The following ZNF469 variants were observed in gnomAD, a reference collection of about 807,000 sequenced individuals.
The protein encoded by ZNF469 is zinc finger protein 469.
In ZNF469, 1 loss-of-function variant was observed where a neutral mutation model predicts 1.0. The ratio of observed to expected loss-of-function variants is 1.00; its 90% CI spans 0.35 to 4.73. ZNF469 has a LOEUF of 4.73. Among genes scored for constraint, ZNF469 ranks in the 30% most tolerant of loss-of-function variants. The probability of loss-of-function intolerance (pLI) is 0.16; values close to 1 mark genes in which losing one functional copy is unlikely to be tolerated. For synonymous variants in ZNF469, 2,703 were observed against 2,363.4 expected, an observed-to-expected ratio of 1.14 and a Z score of -4.17; for missense variants, 6,100 against 5,356.3, an observed-to-expected ratio of 1.14 and a Z score of -4.33.
At chr16:88,302,111 C>T in the ZNF469 span, among the ~76,000 whole-genome samples, 84 of 152,328 alleles carry the variant, frequency 5.5e-4, no homozygotes, top group Non-Finnish European at 9.3e-4. Context: ...CAGCTGGGCT[C>T]TCGGTCAGGA....
chr16:88,429,699 G>A lies in ZNF469; in HGVS notation c.2229G>A (p.Leu743=). ...AGTGTGACCGCAACTACAGCAGCCTGGCGGCCTTCCTGGCCCACCGGCAGT... is the reference window on the plus strand; with the variant it reads ...AGTGTGACCGCAACTACAGCAGCCTAGCGGCCTTCCTGGCCCACCGGCAGT... ...CRQCDRNYSS[L]AAFLAHRQFC... The change falls in exon 3 of 3, where the codon CTG becomes CTA. Residue 743 remains leucine, a synonymous_variant. Coordinates refer to ENST00000565624, the MANE Select transcript of ZNF469 (RefSeq NM_001367624.2). 4 of 1,542,906 alleles carry A rather than the reference G, an allele frequency of 2.6e-6. No individual in the cohort carries two copies. Among genetic ancestry groups the A allele is most frequent in the Non-Finnish European group, 3.5e-6 (4 of 1,142,232 alleles).
chr16:88,186,544 C>T, the ZNF469 span, among the ~76,000 whole-genome samples: 2 of 152,302 alleles, frequency 1.3e-5, no homozygotes, highest in South Asian at 4.2e-4. Flanking sequence ...GTTTTCCGAC[C>T]GCCTCTGCTC....
At chr16:88,209,292 CTTTTTTT>C in the ZNF469 span, among the ~76,000 whole-genome samples, 3 of 146,998 alleles carry the variant, frequency 2.0e-5, no homozygotes, top group Admixed American at 6.8e-5. Flanking sequence ...TTTCTTTTTT[CTTTTTTT>C]TTTTCTTTTG....
the ZNF469 span, among the ~76,000 whole-genome samples, chr16:88,328,462 C>G: frequency 6.6e-6 from 1 of 152,188 alleles, no homozygotes; most frequent in Non-Finnish European, 1.5e-5. Flanking sequence ...GGCCGCATGG[C>G]TACCGTCGAA....
chr16:88,437,315 C>T lies in ZNF469; in HGVS notation c.9845C>T (p.Pro3282Leu), dbSNP rs532698360. 8.4e-6 allele frequency: 13 copies of T among 1,547,438 alleles called. No homozygotes were observed. In the African/African-American group the frequency reaches 1.6e-4, roughly 20 times the overall value. ...CGGGCACGCAGCACCCCCAGCAACC[C>T]AGACGGGGCCGCGACCCCAGACAGC... ...KPRARSTPSN[P>L]DGAATPDSAS... Residue 3282 changes from proline (P) to leucine (L), a missense_variant, in exon 3 of 3, where the codon CCA becomes CTA. Pro to Leu is a moderately conservative substitution (Grantham distance 98). Transcript: ENST00000565624.
the ZNF469 span, among the ~76,000 whole-genome samples, chr16:88,264,743 T>G: frequency 6.6e-6 from 1 of 151,806 alleles, no homozygotes; most frequent in East Asian, 1.9e-4. Context: ...CCCCTCCCAG[T>G]CCAGTCCTGC....
chr16:88,404,955 C>G (rs890268270), intron 1 of ZNF469, among the ~76,000 whole-genome samples: 38 of 152,328 alleles, frequency 2.5e-4, no homozygotes, highest in African/African-American at 8.4e-4. Context: ...CATAACCAGG[C>G]TGTGCAGGGG....
chr16:88,169,468 G>A, the ZNF469 span, among the ~76,000 whole-genome samples: 9 of 152,124 alleles, frequency 5.9e-5, no homozygotes, highest in African/African-American at 1.2e-4. This position sits in a 1 kb window ranked among gnomAD's most constrained non-coding sequence, Gnocchi z 6.1. Context: ...GAACGTCATC[G>A]AGGTGGAGTT....
the ZNF469 span, among the ~76,000 whole-genome samples, chr16:88,282,598 G>A: frequency 2.0e-4 from 31 of 152,236 alleles, no homozygotes; most frequent in African/African-American, 5.8e-4. Flanking sequence ...GGGGGATGTC[G>A]CCAGACTCCT....
chr16:88,387,225 G>C (rs541783438), intron 1 of ZNF469, among the ~76,000 whole-genome samples: 20 of 152,356 alleles, frequency 1.3e-4, no homozygotes, highest in Admixed American at 1.1e-3. Context: ...GCCTGCGGAA[G>C]CTGCCCTCAG....
intron 1 of ZNF469, among the ~76,000 whole-genome samples, chr16:88,397,966 C>T (rs925313079): frequency 1.3e-5 from 2 of 152,222 alleles, no homozygotes; most frequent in African/African-American, 4.8e-5. Flanking sequence ...GAGGTTCTGC[C>T]CTGCCCAGAG....
At chr16:88,244,027 C>T in the ZNF469 span, among the ~76,000 whole-genome samples, 8 of 126,198 alleles carry the variant, frequency 6.3e-5, no homozygotes, top group Admixed American at 1.7e-4. Context: ...GGTGAGTGCA[C>T]GGATCATCGG....
At chr16:88,131,936 G>C in the ZNF469 span, among the ~76,000 whole-genome samples, 1 of 152,252 alleles carries the variant, frequency 6.6e-6, no homozygotes, top group Non-Finnish European at 1.5e-5. Context: ...TGCCTTGCCA[G>C]CCTCTAATGG....
chr16:88,181,134 G>A, the ZNF469 span, among the ~76,000 whole-genome samples: 7,859 of 150,646 alleles, frequency 0.052, 318 homozygotes, highest in East Asian at 0.094. Context: ...GCAGTGGCAC[G>A]ATTTCAGCTC....
At position 88,434,483 on chromosome 16, in the gene ZNF469, G is replaced by C; in HGVS notation, c.7013G>C (p.Gly2338Ala). 2 of 1,550,042 alleles carry C rather than the reference G, an allele frequency of 1.3e-6. No homozygotes were observed. Among genetic ancestry groups the C allele is most frequent in the Non-Finnish European group, 1.7e-6 (2 of 1,146,950 alleles). ...SYSPSNTARL[G>A]HREGQAVTAV... ...TCTCCAAGCAATACTGCCCGCCTCGGCCACAGGGAGGGCCAGGCTGTCACA... is the reference window on the plus strand; with the variant it reads ...TCTCCAAGCAATACTGCCCGCCTCGCCCACAGGGAGGGCCAGGCTGTCACA... Residue 2338 changes from glycine (G) to alanine (A), a missense_variant, in exon 3 of 3, where the codon GGC becomes GCC. Gly to Ala is a moderately conservative substitution (Grantham distance 60, BLOSUM62 0). Coordinates refer to ENST00000565624, the MANE Select transcript of ZNF469 (RefSeq NM_001367624.2).
the ZNF469 span, among the ~76,000 whole-genome samples, chr16:88,291,483 C>T: frequency 7.9e-5 from 12 of 152,332 alleles, no homozygotes; most frequent in East Asian, 1.5e-3. Context: ...GGCAGAACCT[C>T]GTCTCTTCGC....
chr16:88,429,476 T>C lies in ZNF469; in HGVS notation c.2006T>C (p.Phe669Ser). The C allele has an allele frequency of 6.5e-7, 1 of 1,545,668 alleles. No homozygotes were observed. The highest frequency in any genetic ancestry group is 8.7e-7 in the Non-Finnish European group (1 of 1,144,800). ...THYQPEPAKAFPFPADGLGAE... is the reference protein window; with the variant it reads ...THYQPEPAKASPFPADGLGAE... ...TACCAGCCAGAGCCAGCCAAGGCCT[T>C]CCCTTTTCCCGCAGATGGGCTGGGA... Residue 669 changes from phenylalanine to serine, a missense_variant, in exon 3 of 3, where the codon TTC (phenylalanine) becomes TCC (serine). By Grantham distance (155) the Phe-to-Ser change is radical. Coordinates refer to ENST00000565624, the MANE Select transcript of ZNF469 (RefSeq NM_001367624.2).
Position 88,430,471 on chromosome 16 carries a change from GC to G in ZNF469, c.3006del (p.Ser1004AlafsTer49), listed in dbSNP as rs1322924570. On this transcript the variant is annotated frameshift_variant, in exon 3 of 3. Coordinates refer to ENST00000565624, the MANE Select transcript of ZNF469 (RefSeq NM_001367624.2). LOFTEE classifies it low-confidence loss of function (END_TRUNC). ...PPRPRRPRTQ[A>X]PGSRADPAPR... ...CCGTCCCCGGCGCCCTAGAACGCAG[GC>G]CCCCGGGAGCCGCGCAGACCCCGCG... The G allele has an allele frequency of 2.8e-6, 4 of 1,442,488 alleles. No homozygotes were observed. The highest frequency in any genetic ancestry group is 1.8e-6 in the Non-Finnish European group (2 of 1,108,020). The allele number at this position is 1,442,488 out of a possible 1,614,324, so 89.4% of individuals were successfully genotyped here. A position where few individuals can be genotyped will look rare whatever the true frequency, so the allele number is the denominator to read the frequency against.
At chr16:88,327,301 C>A in the ZNF469 span, among the ~76,000 whole-genome samples, 8 of 152,148 alleles carry the variant, frequency 5.3e-5, no homozygotes, top group African/African-American at 7.2e-5. Flanking sequence ...CTCACGCCAG[C>A]CCCCGCCTCG....
Sources: gnomAD v4.1 joint callset for allele counts (sites outside exome capture counted in the v4.1 genomes callset) on GRCh38, gnomAD v4.1.1 for gene constraint, Gnocchi (gnomAD v3.1) non-coding constraint, MANE v1.5 for transcripts, NCBI Gene and HGNC (gene_info 2026-07-23, HGNC 2026-07-21) for gene names.